The following CLSTN2 variants were observed in gnomAD, a reference collection of about 807,000 sequenced individuals.
CLSTN2 encodes calsyntenin-2.
A neutral mutation model predicts 101.2 loss-of-function variants in CLSTN2; 48 were observed. That is an observed-to-expected ratio of 0.47 (90% confidence interval 0.38 to 0.60). The LOEUF is 0.60. CLSTN2 is among the 20% of genes least tolerant of loss of function. The pLI is 0.00. For missense variants in CLSTN2, 1,160 were observed against 1,238.2 expected (o/e 0.94, Z 0.95); for synonymous variants, 481 against 463.6 (o/e 1.04, Z -0.48).
At chr3:140,396,758 GC>G (rs765524137) in intron 2 of CLSTN2, among the ~76,000 whole-genome samples, 21 of 152,120 alleles carry the variant, frequency 1.4e-4, no homozygotes, top group Non-Finnish European at 2.5e-4. Context: ...TACTACAAAG[GC>G]CTAGCTGTGG....
chr3:139,977,508 A>AGTACAC (rs1935839019), intron 1 of CLSTN2, among the ~76,000 whole-genome samples: 1 of 151,720 alleles, frequency 6.6e-6, no homozygotes, highest in Non-Finnish European at 1.5e-5. Flanking sequence ...AACAGTATCA[A>AGTACAC]CTGTGCTGTT....
intron 10 of CLSTN2, among the ~76,000 whole-genome samples, chr3:140,555,256 A>G (rs998856670): frequency 2.0e-5 from 3 of 152,234 alleles, no homozygotes; most frequent in African/African-American, 7.2e-5. Context: ...TAGTTGACCA[A>G]GCAAGTAACA....
intron 8 of CLSTN2, among the ~76,000 whole-genome samples, chr3:140,523,150 G>T (rs1408341403): frequency 6.6e-6 from 1 of 152,050 alleles, no homozygotes; most frequent in Admixed American, 6.6e-5. Flanking sequence ...GCAGGCCTGG[G>T]CGTCTAACTT....
chr3:140,255,567 C>A (rs1010629774), intron 2 of CLSTN2, among the ~76,000 whole-genome samples: 1 of 151,998 alleles, frequency 6.6e-6, no homozygotes, highest in Admixed American at 6.6e-5. Context: ...TACACGTAGA[C>A]ACAAAGAAGG....
chr3:140,054,766 G>T (rs528663853), intron 1 of CLSTN2, among the ~76,000 whole-genome samples: 2 of 152,334 alleles, frequency 1.3e-5, no homozygotes, highest in African/African-American at 4.8e-5. Flanking sequence ...GTTGACTACT[G>T]TTAACTGTTT....
At chr3:140,400,968 G>A (rs2088235012) in intron 2 of CLSTN2, among the ~76,000 whole-genome samples, 2 of 152,216 alleles carry the variant, frequency 1.3e-5, no homozygotes, top group South Asian at 2.1e-4. Context: ...CTCTCCTTCA[G>A]TGTACTCATC....
chr3:140,260,300 AG>A (rs908538759), intron 2 of CLSTN2, among the ~76,000 whole-genome samples: 69 of 152,052 alleles, frequency 4.5e-4, no homozygotes, highest in African/African-American at 1.6e-3. Flanking sequence ...TCCTGATCTT[AG>A]GAACTATCAC....
chr3:140,431,294 A>T (rs2088625660), intron 5 of CLSTN2, among the ~76,000 whole-genome samples: 1 of 152,196 alleles, frequency 6.6e-6, no homozygotes, highest in South Asian at 2.1e-4. Context: ...AACTAAAGTT[A>T]CCTCTGATTA....
intron 2 of CLSTN2, among the ~76,000 whole-genome samples, chr3:140,314,938 G>A (rs1368922055): frequency 6.6e-6 from 1 of 152,130 alleles, no homozygotes; most frequent in Middle Eastern, 3.2e-3. Flanking sequence ...ACAACCTCTG[G>A]CACAAAGCAA....
intron 2 of CLSTN2, among the ~76,000 whole-genome samples, chr3:140,301,003 A>G (rs570635025): frequency 2.6e-5 from 4 of 152,152 alleles, no homozygotes; most frequent in African/African-American, 9.6e-5. Flanking sequence ...GAGAAGACCT[A>G]TGTCCCAGCT....
chr3:140,552,703 C>T (rs1434914908), intron 10 of CLSTN2, among the ~76,000 whole-genome samples: 3 of 152,212 alleles, frequency 2.0e-5, no homozygotes, highest in Non-Finnish European at 2.9e-5. Flanking sequence ...CCAACCTCCA[C>T]TGCAGACCTA....
chr3:139,970,517 T>C (rs1335812225), intron 1 of CLSTN2, among the ~76,000 whole-genome samples: 1 of 152,224 alleles, frequency 6.6e-6, no homozygotes, highest in Non-Finnish European at 1.5e-5. Flanking sequence ...GTGAGGCATG[T>C]GTGAAAGCCC....
At chr3:140,003,269 T>C (rs1001580340) in intron 1 of CLSTN2, among the ~76,000 whole-genome samples, 5 of 152,176 alleles carry the variant, frequency 3.3e-5, no homozygotes, top group African/African-American at 1.2e-4. Context: ...AACCTTTTAC[T>C]TCTTAAGTTA....
At chr3:140,319,978 C>T (rs2087266240) in intron 2 of CLSTN2, among the ~76,000 whole-genome samples, 1 of 152,242 alleles carries the variant, frequency 6.6e-6, no homozygotes, top group Non-Finnish European at 1.5e-5. Context: ...AGTCTCTGAA[C>T]ACTGTATTCC....
At chr3:140,552,007 A>G (rs1308172073) in intron 10 of CLSTN2, among the ~76,000 whole-genome samples, 2 of 152,100 alleles carry the variant, frequency 1.3e-5, no homozygotes, top group Admixed American at 6.5e-5. Flanking sequence ...ATCAGAGTCC[A>G]AATTTACTTA....
chr3:140,129,771 T>C (rs1341692709), intron 1 of CLSTN2, among the ~76,000 whole-genome samples: 1 of 152,184 alleles, frequency 6.6e-6, no homozygotes, highest in Non-Finnish European at 1.5e-5. Flanking sequence ...GCCTGGTGTG[T>C]TGAAGCTTGG....
At chr3:140,182,913 G>A (rs1193171517) in intron 2 of CLSTN2, among the ~76,000 whole-genome samples, 2 of 152,158 alleles carry the variant, frequency 1.3e-5, no homozygotes, top group South Asian at 2.1e-4. Flanking sequence ...AGGGCACAAA[G>A]CCCATGGAGG....
At chr3:140,520,584 C>G (rs578199860) in intron 8 of CLSTN2, among the ~76,000 whole-genome samples, 2 of 152,270 alleles carry the variant, frequency 1.3e-5, no homozygotes, top group Non-Finnish European at 2.9e-5. Flanking sequence ...TGGGGATTAT[C>G]GGGATTATAA....
At chr3:140,379,581 G>C (rs1017545596) in intron 2 of CLSTN2, among the ~76,000 whole-genome samples, 6 of 152,202 alleles carry the variant, frequency 3.9e-5, no homozygotes, top group African/African-American at 1.4e-4. Context: ...TCCTCCTGGG[G>C]AAGGGAACAT....
Sources: gnomAD v4.1 joint callset for allele counts (sites outside exome capture counted in the v4.1 genomes callset) on GRCh38, gnomAD v4.1.1 for gene constraint, MANE v1.5 for transcripts, NCBI Gene and HGNC (gene_info 2026-07-23, HGNC 2026-07-21) for gene names.